The following GTSE1 variants were observed in gnomAD, a reference collection of about 807,000 sequenced individuals.
GTSE1 encodes the protein G2 and S-phase expressed 1, also known as G2 and S phase-expressed protein 1.
GTSE1 carries 52 observed loss-of-function variants against 60.5 expected under a neutral mutation model. The ratio of observed to expected loss-of-function variants is 0.86; its 90% CI spans 0.69 to 1.08. The LOEUF is 1.08. Ranked by LOEUF, GTSE1 falls within the 50% of genes least tolerant of loss-of-function variation. GTSE1 has a pLI of 0.00. For missense variants in GTSE1, 937 were observed against 961.8 expected, an observed-to-expected ratio of 0.97 and a Z score of 0.34; for synonymous variants, 368 against 386.5, an observed-to-expected ratio of 0.95 and a Z score of 0.56.
At position 46,313,042 on chromosome 22, in the gene GTSE1, G is replaced by A. The variant is rs984912706; in HGVS notation, c.927+737G>A. On this transcript the variant is annotated intron_variant, in intron 5 of 11. Coordinates refer to ENST00000454366, the MANE Select transcript of GTSE1 (RefSeq NM_016426.7). This position sits in a 1 kb window ranked among gnomAD's most constrained non-coding sequence, Gnocchi z 4.4. ...GCCAGGCATGGTGGTGCATGCCTGT[G>A]GTCCCAGCTATTTGGGAGGTTGAGG... 6.7e-6 allele frequency among the ~76,000 whole-genome samples: 1 copy of A among 149,866 alleles called. No homozygotes were observed. The highest frequency in any genetic ancestry group is 2.5e-5 in the African/African-American group (1 of 40,690).
At chr22:46,305,566 A>C (rs1479837357) in intron 2 of GTSE1, among the ~76,000 whole-genome samples, 8 of 148,134 alleles carry the variant, frequency 5.4e-5, no homozygotes, top group South Asian at 2.2e-4. Context: ...CCAAGATCAC[A>C]CCACTGCACT....
At position 46,313,871 on chromosome 22, in the gene GTSE1, T is replaced by C; in HGVS notation, c.928-19T>C. On this transcript the variant is annotated intron_variant, in intron 5 of 11. Transcript: ENST00000454366. The surrounding 1 kb of genome is among the most constrained non-coding windows in gnomAD (Gnocchi z 4.4). ...TAACGAGATCTTTGCTGATTCTGTT[T>C]TTTCACATTTTGCCCCAGTTGGGGC... 1 of 1,613,712 alleles carries C rather than the reference T, an allele frequency of 6.2e-7. No homozygotes were observed. The highest frequency in any genetic ancestry group is 8.5e-7 in the Non-Finnish European group (1 of 1,179,642).
Position 46,318,025 on chromosome 22 carries a change from AG to A in GTSE1, c.1432+1614del, listed in dbSNP as rs2077791062. Among the ~76,000 whole-genome samples, 1 of 152,214 alleles carries A rather than the reference AG, an allele frequency of 6.6e-6. No individual in the cohort carries two copies. The highest frequency in any genetic ancestry group is 6.5e-5 in the Admixed American group (1 of 15,280). On this transcript the variant is annotated intron_variant, in intron 7 of 11. Coordinates refer to ENST00000454366, the MANE Select transcript of GTSE1 (RefSeq NM_016426.7). This position sits in a 1 kb window ranked among gnomAD's most constrained non-coding sequence, Gnocchi z 4.8. Reference sequence around the variant, plus strand: ...TTCCTAGAGCTCGTTCTGTCGGAGTAGCCCCCTCCTCTCTAGTTTCTGGCCC... The same window carrying A: ...TTCCTAGAGCTCGTTCTGTCGGAGTACCCCCTCCTCTCTAGTTTCTGGCCC...
intron 9 of GTSE1, 50 bp from the exon 10 acceptor site, chr22:46,328,638 G>A (rs2077857419): frequency 1.4e-6 from 2 of 1,435,874 alleles, no homozygotes; most frequent in East Asian, 2.3e-5. Context: ...TCAGCCAAGT[G>A]AACGAGCATT....
rs2077807902 is a variant in GTSE1 at position 46,320,814 on chromosome 22, C to T, written c.1433-2376C>T. Among the ~76,000 whole-genome samples, 4 of 152,024 alleles carry T rather than the reference C, an allele frequency of 2.6e-5. No individual in the cohort carries two copies. Among genetic ancestry groups the T allele is most frequent in the Admixed American group, 2.6e-4 (4 of 15,264 alleles). The stretch of plus-strand genomic sequence containing the variant: ...CGCGCCGTCCAGGTTTAGGGAAGAG[C>T]TGATGTGGGCCTGGGAGGCGTGCGT... On this transcript the variant is annotated intron_variant, in intron 7 of 11. Transcript: ENST00000454366. The surrounding 1 kb of genome is among the most constrained non-coding windows in gnomAD (Gnocchi z 7.1).
chr22:46,307,223 G>C (rs1324809635), intron 2 of GTSE1, among the ~76,000 whole-genome samples: 1 of 152,226 alleles, frequency 6.6e-6, no homozygotes, highest in Non-Finnish European at 1.5e-5. Flanking sequence ...ACTCCAAGAA[G>C]CAATGGCGGT....
In GTSE1 at chr22:46,328,751, C is replaced by T; in HGVS notation, c.1788C>T (p.Asp596=). The change falls in exon 10 of 12, where the codon GAC becomes GAT. Residue 596 remains aspartate (D), a synonymous_variant. Transcript: ENST00000454366. ...TDSRLVDVSP[D]RGSPPSRVPQ... ...CCAGGCTGGTGGATGTGTCCCCTGACAGGGGTTCTCCTCCTTCCCGTGTGC... is the reference window on the plus strand; with the variant it reads ...CCAGGCTGGTGGATGTGTCCCCTGATAGGGGTTCTCCTCCTTCCCGTGTGC... The T allele has an allele frequency of 6.2e-7, 1 of 1,613,778 alleles. No individual in the cohort carries two copies. The highest frequency in any genetic ancestry group is 8.5e-7 in the Non-Finnish European group (1 of 1,179,636).
rs137863299 is a variant in GTSE1 at position 46,296,988 on chromosome 22, G to A, written c.-22+57G>A. 1,827 of 187,418 alleles carry A rather than the reference G, an allele frequency of 9.7e-3. 13 individuals carry two copies. Among genetic ancestry groups the A allele is most frequent in the Non-Finnish European group, 0.015 (1,376 of 89,088 alleles). The allele number at this position is 187,418 out of a possible 1,614,324, so 11.6% of individuals were successfully genotyped here. ...TGCCCGGTGGGCCCGGTGCGGCGCG[G>A]TGCCCGCCGTTTTCGGGACGGGGAG... On this transcript the variant is annotated intron_variant, in intron 1 of 11. Transcript: ENST00000454366.
chr22:46,303,812 G>A (rs181426467), intron 2 of GTSE1, among the ~76,000 whole-genome samples: 9 of 152,276 alleles, frequency 5.9e-5, no homozygotes, highest in East Asian at 1.9e-4. Context: ...GAATGTTGTC[G>A]TGTGTGTCAT....
chr22:46,312,184 C>T lies in GTSE1; in HGVS notation c.806C>T (p.Pro269Leu), dbSNP rs2077752206. The change falls in exon 5 of 12, where the codon CCA becomes CTA. Residue 269 changes from proline to leucine, a missense_variant. Coordinates refer to ENST00000454366, the MANE Select transcript of GTSE1 (RefSeq NM_016426.7). ...GCTAGTCCTTCCAGGACAAAAATCCCAGCTGAGAAGGAATCCCACCGGGAT... is the reference window on the plus strand; with the variant it reads ...GCTAGTCCTTCCAGGACAAAAATCCTAGCTGAGAAGGAATCCCACCGGGAT... ...IPASPSRTKI[P>L]AEKESHRDVL... 6.2e-7 allele frequency: 1 copy of T among 1,613,882 alleles called. No homozygotes were observed. Among genetic ancestry groups the T allele is most frequent in the Non-Finnish European group, 8.5e-7 (1 of 1,179,888 alleles).
chr22:46,327,690 CA>C (rs1257058704), intron 9 of GTSE1, among the ~76,000 whole-genome samples: 5 of 152,010 alleles, frequency 3.3e-5, no homozygotes, highest in Middle Eastern at 3.2e-3. Context: ...AAAAACAAAA[CA>C]AAAAAACATA....
chr22:46,328,193 C>T (rs1025438436), intron 9 of GTSE1, among the ~76,000 whole-genome samples: 4 of 152,156 alleles, frequency 2.6e-5, no homozygotes, highest in East Asian at 1.9e-4. Context: ...CTGTGGGAGA[C>T]GCCATTGGAA....
intron 2 of GTSE1, among the ~76,000 whole-genome samples, chr22:46,305,647 G>A (rs552971124): frequency 6.6e-6 from 1 of 150,754 alleles, no homozygotes; most frequent in South Asian, 2.1e-4. Context: ...AGTGGCTCAC[G>A]CCTGTAATCC....
In GTSE1 at chr22:46,314,025, G is replaced by A. The variant is rs373803097; in HGVS notation, c.1051+12G>A. ...AGCAGTGGGCAAAGGTGAGGCAGCC[G>A]GCATCATGCTTGGACCCACATCTGG... On this transcript the variant is annotated intron_variant, in intron 6 of 11. Transcript: ENST00000454366. This position sits in a 1 kb window ranked among gnomAD's most constrained non-coding sequence, Gnocchi z 7.1. The A allele has an allele frequency of 1.6e-4, 258 of 1,613,654 alleles. 1 individual carries two copies. The African/African-American group carries it at 2.8e-3, about 17-fold the overall frequency.
At position 46,316,754 on chromosome 22, in the gene GTSE1, G is replaced by A. The variant is rs2077783570; in HGVS notation, c.1432+342G>A. Reference sequence around the variant, plus strand: ...AGGGTTTCTTAAGCTTCTTTGATCTGTGGGTTGGTTTTTTTCAGCAAATTT... The same window carrying A: ...AGGGTTTCTTAAGCTTCTTTGATCTATGGGTTGGTTTTTTTCAGCAAATTT... On this transcript the variant is annotated intron_variant, in intron 7 of 11. Coordinates refer to ENST00000454366, the MANE Select transcript of GTSE1 (RefSeq NM_016426.7). This position sits in a 1 kb window ranked among gnomAD's most constrained non-coding sequence, Gnocchi z 5.0. Among the ~76,000 whole-genome samples, 1 of 152,110 alleles carries A rather than the reference G, an allele frequency of 6.6e-6. No homozygotes were observed. The highest frequency in any genetic ancestry group is 1.5e-5 in the Non-Finnish European group (1 of 68,026).
intron 2 of GTSE1, among the ~76,000 whole-genome samples, chr22:46,301,013 C>A (rs1414931278): frequency 6.6e-6 from 1 of 152,162 alleles, no homozygotes; most frequent in African/African-American, 2.4e-5. Flanking sequence ...GCATGGAGAG[C>A]CCTGTCCTGA....
chr22:46,326,645 C>G lies in GTSE1; in HGVS notation c.1715C>G (p.Ser572Cys), dbSNP rs781594287. Residue 572 changes from serine to cysteine, a missense_variant, in exon 9 of 12, where the codon TCT becomes TGT. By Grantham distance (112) the Ser-to-Cys change is moderately radical (BLOSUM62 -1). Transcript: ENST00000454366. Reference protein sequence around the residue: ...RRRSSEPRKNSAMRTEPTRES... With the variant: ...RRRSSEPRKNCAMRTEPTRES... ...CGTTCCTCTGAGCCCCGCAAGAACT[C>G]TGCAATGAGGTAAGACACGAAGGTG... The G allele has an allele frequency of 1.2e-6, 2 of 1,606,842 alleles. No homozygotes were observed. The highest frequency in any genetic ancestry group is 2.2e-5 in the South Asian group (2 of 89,504).
At position 46,323,200 on chromosome 22, in the gene GTSE1, G is replaced by C. The variant is rs780829555; in HGVS notation, c.1443G>C (p.Pro481=). 8 of 1,613,248 alleles carry C rather than the reference G, an allele frequency of 5.0e-6. No individual in the cohort carries two copies. Among genetic ancestry groups the C allele is most frequent in the Non-Finnish European group, 6.8e-6 (8 of 1,179,158 alleles). ...CTTTCTTGGACTTAGGTGACTCCCC[G>C]GACAGCTCAACACCAAAGCTTTCGC... ...KIPKFSIGDS[P]DSSTPKLSRA... Residue 481 remains proline (P), a synonymous_variant, in exon 8 of 12, where the codon CCG becomes CCC. Coordinates refer to ENST00000454366, the MANE Select transcript of GTSE1 (RefSeq NM_016426.7).
In GTSE1 at chr22:46,297,365, C is replaced by T. The variant is rs1270804814; in HGVS notation, c.-21-15C>T. 14 of 1,468,470 alleles carry T rather than the reference C, an allele frequency of 9.5e-6. No homozygotes were observed. Among genetic ancestry groups the T allele is most frequent in the Middle Eastern group, 1.7e-4 (1 of 5,778 alleles). The allele number at this position is 1,468,470 out of a possible 1,614,324, so 91.0% of individuals were successfully genotyped here. On this transcript the variant is annotated splice_polypyrimidine_tract_variant and intron_variant, in intron 1 of 11. Coordinates refer to ENST00000454366, the MANE Select transcript of GTSE1 (RefSeq NM_016426.7). The surrounding 1 kb of genome is among the most constrained non-coding windows in gnomAD (Gnocchi z 4.9). ...CTGACACGTACTCACTTTCTGGCCC[C>T]GTTCCACCCTGCAGTGACTTCTGAC...
Sources: allele counts gnomAD v4.1 joint callset (sites outside exome capture counted in the v4.1 genomes callset), GRCh38; gene constraint gnomAD v4.1.1; non-coding constraint Gnocchi (gnomAD v3.1); transcripts MANE v1.5; gene names NCBI Gene and HGNC (gene_info 2026-07-23, HGNC 2026-07-21).